The following MYO10 variants were observed in gnomAD, a reference collection of about 807,000 sequenced individuals.
The protein encoded by MYO10 is myosin X.
In MYO10, 133 loss-of-function variants were observed where a neutral mutation model predicts 257.3. That is an observed-to-expected ratio of 0.52 (90% CI 0.45 to 0.60). The LOEUF (loss-of-function observed/expected upper bound fraction) is 0.60. Among genes scored for constraint, MYO10 ranks in the 20% least tolerant of loss-of-function variants. The pLI, the probability that MYO10 is intolerant of heterozygous loss-of-function variation, is 0.00. For missense variants in MYO10, 2,399 were observed against 2,635.7 expected (o/e 0.91, Z 1.97); for synonymous variants, 1,104 against 1,028.6 (o/e 1.07, Z -1.40).
intron 2 of MYO10, among the ~76,000 whole-genome samples, chr5:16,847,798 A>C (rs1162397861): frequency 6.6e-6 from 1 of 152,142 alleles, no homozygotes; most frequent in African/African-American, 2.4e-5. Context: ...ATGCAGGAGG[A>C]CTGCTTGAGC....
intron 2 of MYO10, among the ~76,000 whole-genome samples, chr5:16,872,098 G>C (rs1298230117): frequency 6.6e-6 from 1 of 152,108 alleles, no homozygotes; most frequent in East Asian, 1.9e-4. Flanking sequence ...ACCTCACTAA[G>C]AGCTGCCCAT....
intron 29 of MYO10, among the ~76,000 whole-genome samples, chr5:16,685,455 T>A (rs889403510): frequency 6.6e-6 from 1 of 152,050 alleles, no homozygotes; most frequent in African/African-American, 2.4e-5. Flanking sequence ...CAAATGATCC[T>A]CCCACCTCAG....
intron 19 of MYO10, among the ~76,000 whole-genome samples, chr5:16,740,618 C>A (rs1226659380): frequency 5.9e-5 from 9 of 152,172 alleles, no homozygotes; most frequent in Non-Finnish European, 1.2e-4. Context: ...CCTTCCCGTA[C>A]ATATCCTTCA....
At position 16,780,807 on chromosome 5, in the gene MYO10, T is replaced by C. The variant is rs1741400094; in HGVS notation, c.728-66A>G. The C allele has an allele frequency of 6.9e-6, 10 of 1,447,844 alleles. No individual in the cohort carries two copies. In the South Asian group the frequency reaches 1.3e-4, roughly 18 times the overall value. The allele number at this position is 1,447,844 out of a possible 1,614,324, so 89.7% of individuals were successfully genotyped here. A position where few individuals can be genotyped will look rare whatever the true frequency, so the allele number is the denominator to read the frequency against. On this transcript the variant is annotated intron_variant, in intron 6 of 40. Transcript: ENST00000513610. ...AGCTATGTGCCATGCTCAACTAGTC[T>C]TTCATTTTCTATTCTTTGGTGCTCA... is the stretch of plus-strand genomic sequence containing the variant.
chr5:16,715,106 A>T (rs1278506936), intron 19 of MYO10, among the ~76,000 whole-genome samples: 3 of 130,530 alleles, frequency 2.3e-5, no homozygotes, highest in East Asian at 2.3e-4. Context: ...AAATAAATTA[A>T]AAAAAAATTT....
Position 16,671,509 on chromosome 5 carries a change from T to G in MYO10, c.5343A>C (p.Pro1781=). The G allele has an allele frequency of 6.2e-7, 1 of 1,613,978 alleles. No individual in the cohort carries two copies. The highest frequency in any genetic ancestry group is 8.5e-7 in the Non-Finnish European group (1 of 1,179,852). ...LAATSEVGDL[P]WKFYFKLYCF... ...AGTAAAGTTTGAAGTAGAATTTCCA[T>G]GGCAGGTCCCCAACCTCGGATGTGG... is the stretch of plus-strand genomic sequence containing the variant. The change falls in exon 38 of 41, where the codon CCA becomes CCC. Residue 1781 remains proline (P), a synonymous_variant. Transcript: ENST00000513610.
chr5:16,815,497 A>C, intron 3 of MYO10: 3 of 693,400 alleles, frequency 4.3e-6, no homozygotes, highest in Non-Finnish European at 7.8e-6. Flanking sequence ...AAAATTTTAA[A>C]ATCCAGGTTC....
chr5:16,707,452 A>G (rs1342717879), intron 21 of MYO10, among the ~76,000 whole-genome samples: 1 of 152,218 alleles, frequency 6.6e-6, no homozygotes, highest in Non-Finnish European at 1.5e-5. Flanking sequence ...ACTTGACTCA[A>G]TATCCAACAG....
intron 3 of MYO10, among the ~76,000 whole-genome samples, chr5:16,802,792 C>T (rs1313900807): frequency 6.6e-6 from 1 of 151,454 alleles, no homozygotes; most frequent in Non-Finnish European, 1.5e-5. Context: ...GAGGAAATAA[C>T]AAGAAACATT....
At chr5:16,842,827 G>T (rs945481782) in intron 2 of MYO10, among the ~76,000 whole-genome samples, 1 of 151,356 alleles carries the variant, frequency 6.6e-6, no homozygotes, top group Admixed American at 6.6e-5. Flanking sequence ...CCTGGAGTTT[G>T]AGGTTAGAGC....
intron 39 of MYO10, 30 bp downstream of exon 39, chr5:16,670,496 C>T: frequency 1.3e-6 from 2 of 1,559,592 alleles, no homozygotes; most frequent in East Asian, 2.3e-5. Flanking sequence ...AGCACCCAGC[C>T]CACCCCAACA....
At chr5:16,817,835 C>T (rs1232125394) in intron 3 of MYO10, among the ~76,000 whole-genome samples, 174 bp downstream of exon 3, 6 of 152,150 alleles carry the variant, frequency 3.9e-5, no homozygotes, top group Non-Finnish European at 1.5e-5. Flanking sequence ...AGGCAATAAA[C>T]TCTAGGAAAA....
At chr5:16,908,294 G>A (rs559338752) in intron 1 of MYO10, among the ~76,000 whole-genome samples, 11 of 152,066 alleles carry the variant, frequency 7.2e-5, no homozygotes, top group South Asian at 2.1e-4. Flanking sequence ...TTGGGAGGCC[G>A]AGGTGGATGG....
intron 2 of MYO10, among the ~76,000 whole-genome samples, chr5:16,874,892 T>C (rs771255509): frequency 3.4e-4 from 52 of 152,302 alleles, no homozygotes; most frequent in Non-Finnish European, 5.7e-4. Context: ...TGAGGTTTAA[T>C]TGGACTTACA....
chr5:16,702,149 G>C lies in MYO10; in HGVS notation c.2557-311C>G, dbSNP rs553536617. On this transcript the variant is annotated intron_variant, in intron 24 of 40. Coordinates refer to ENST00000513610, the MANE Select transcript of MYO10 (RefSeq NM_012334.3). The stretch of plus-strand genomic sequence containing the variant: ...CTGCGTGAGGACACACTGGACAGAC[G>C]GCCACCTGCAAGCCAAGGGGAGGGG... Among the ~76,000 whole-genome samples, 53 of 152,258 alleles carry C rather than the reference G, an allele frequency of 3.5e-4. 1 individual carries two copies. The highest frequency in any genetic ancestry group is 3.4e-3 in the Middle Eastern group (1 of 292).
At chr5:16,913,174 G>GAA (rs5866220) in intron 1 of MYO10, among the ~76,000 whole-genome samples, 3,572 of 151,094 alleles carry the variant, frequency 0.024, 101 homozygotes, top group East Asian at 0.14. Context: ...GGTTATAGAG[G>GAA]AAAAAAAAAT....
rs759031527 is a variant in MYO10, at chr5:16,673,865, G to A, written c.4989C>T (p.Ser1663=). The A allele has an allele frequency of 4.3e-6, 7 of 1,613,854 alleles. No individual in the cohort carries two copies. The highest frequency in any genetic ancestry group is 4.5e-5 in the East Asian group (2 of 44,870). ...LKRIREQFPG[S]EMEKYALFTY... is the part of the protein sequence containing the mutation. ...TGAAGAGAGCGTATTTTTCCATCTCGCTTCCTGGAAACTGTTCCCGTATCC... is the reference window on the plus strand; with the variant it reads ...TGAAGAGAGCGTATTTTTCCATCTCACTTCCTGGAAACTGTTCCCGTATCC... The change falls in exon 36 of 41, where the codon AGC becomes AGT. Residue 1663 remains serine, a synonymous_variant. Coordinates refer to ENST00000513610, the MANE Select transcript of MYO10 (RefSeq NM_012334.3).
At chr5:16,739,504 C>T (rs1461402331) in intron 19 of MYO10, among the ~76,000 whole-genome samples, 3 of 151,964 alleles carry the variant, frequency 2.0e-5, no homozygotes, top group East Asian at 3.9e-4. Context: ...GTCATAACAA[C>T]GTGCATATTC....
At chr5:16,690,112 T>A (rs569901005) in intron 27 of MYO10, among the ~76,000 whole-genome samples, 193 bp from the exon 28 acceptor site, 1 of 152,046 alleles carries the variant, frequency 6.6e-6, no homozygotes, top group South Asian at 2.1e-4. Context: ...CAGCAGCAGA[T>A]CAAAAATAAA....
Sources: allele counts gnomAD v4.1 joint callset (sites outside exome capture counted in the v4.1 genomes callset), GRCh38; gene constraint gnomAD v4.1.1; transcripts MANE v1.5; gene names NCBI Gene and HGNC (gene_info 2026-07-23, HGNC 2026-07-21).